The following ERAP1 variants were observed in gnomAD, a reference collection of about 807,000 sequenced individuals.
ERAP1 encodes endoplasmic reticulum aminopeptidase 1.
Under a neutral mutation model 103.7 loss-of-function variants are expected in ERAP1, and 86 were observed. The ratio of observed to expected loss-of-function variants is 0.83; its 90% CI spans 0.70 to 0.99. ERAP1 has a LOEUF of 0.99. Ranked by LOEUF, ERAP1 falls within the 50% of genes least tolerant of loss-of-function variation. The pLI is 0.00. For missense variants in ERAP1, 1,009 were observed against 1,128.4 expected (o/e 0.89, Z 1.52); for synonymous variants, 398 against 402.4 (o/e 0.99, Z 0.13).
chr5:96,825,769 G>A, the ERAP1 span, among the ~76,000 whole-genome samples: 1 of 151,956 alleles, frequency 6.6e-6, no homozygotes, highest in African/African-American at 2.4e-5. Context: ...TTCTTCTGTT[G>A]TAACACACAA....
chr5:96,926,623 A>G, the ERAP1 span, among the ~76,000 whole-genome samples: 1 of 152,226 alleles, frequency 6.6e-6, no homozygotes, highest in African/African-American at 2.4e-5. Context: ...CTTTCACCTA[A>G]CATAATTTTT....
At chr5:96,794,837 C>T (rs1238618893) in intron 5 of ERAP1, among the ~76,000 whole-genome samples, 1 of 152,188 alleles carries the variant, frequency 6.6e-6, no homozygotes, top group African/African-American at 2.4e-5. Context: ...CTATGAAGAT[C>T]TGCTTTCTTC....
the ERAP1 span, among the ~76,000 whole-genome samples, chr5:96,916,356 TTC>T: frequency 6.6e-6 from 1 of 152,144 alleles, no homozygotes; most frequent in Admixed American, 6.5e-5. Flanking sequence ...TTTGTATTAT[TTC>T]TTTCATATTG....
At chr5:96,800,805 A>G in intron 3 of ERAP1, 57 bp downstream of exon 3, 1 of 1,584,330 alleles carries the variant, frequency 6.3e-7, no homozygotes, top group Non-Finnish European at 8.7e-7. Context: ...GGGCTAGTGC[A>G]AGTCACAGAG....
At chr5:96,847,549 T>C in the ERAP1 span, among the ~76,000 whole-genome samples, 424 of 152,230 alleles carry the variant, frequency 2.8e-3, no homozygotes, top group African/African-American at 9.6e-3. Context: ...ACATAAAACA[T>C]TTCCCAAGAT....
the ERAP1 span, among the ~76,000 whole-genome samples, chr5:96,835,215 G>GGATAA: frequency 6.6e-6 from 1 of 152,184 alleles, no homozygotes; most frequent in East Asian, 1.9e-4. Context: ...AAGGCTAAAA[G>GGATAA]GATAATTGGA....
intron 18 of ERAP1, among the ~76,000 whole-genome samples, chr5:96,779,869 G>A (rs1774899824): frequency 6.6e-6 from 1 of 152,158 alleles, no homozygotes; most frequent in African/African-American, 2.4e-5. Context: ...GATAAATTCA[G>A]GGGACAATTG....
At chr5:96,826,809 C>G in the ERAP1 span, among the ~76,000 whole-genome samples, 2 of 152,254 alleles carry the variant, frequency 1.3e-5, no homozygotes, top group South Asian at 4.1e-4. Flanking sequence ...ACTGTGTCTC[C>G]TTAATTTTGT....
At chr5:96,921,248 T>C in the ERAP1 span, among the ~76,000 whole-genome samples, 1 of 152,392 alleles carries the variant, frequency 6.6e-6, no homozygotes, top group African/African-American at 2.4e-5. Context: ...CTTCACTTAG[T>C]TTCTGATCCA....
At position 96,803,548 on chromosome 5, in the gene ERAP1, G is replaced by T; in HGVS notation, c.379C>A (p.Arg127Ser). 4 of 1,612,462 alleles carry T rather than the reference G, an allele frequency of 2.5e-6. No homozygotes were observed. The highest frequency in any genetic ancestry group is 1.3e-5 in the African/African-American group (1 of 74,980). Residue 127 changes from arginine to serine, a missense_variant, in exon 2 of 19, where the codon CGT becomes AGT. Coordinates refer to ENST00000443439, the MANE Select transcript of ERAP1 (RefSeq NM_001040458.3). ...EEPLQVLEHP[R>S]QEQIALLAPE... is the part of the protein sequence containing the mutation. ...GCCAGCAGTGCAATTTGCTCCTGACGGGGGTGTTCCAGGACCTGCAGGGGT... is the reference window on the plus strand; with the variant it reads ...GCCAGCAGTGCAATTTGCTCCTGACTGGGGTGTTCCAGGACCTGCAGGGGT...
At chr5:96,815,410 T>TTTTG in the ERAP1 span, among the ~76,000 whole-genome samples, 7,614 of 116,298 alleles carry the variant, frequency 0.065, 379 homozygotes, top group Middle Eastern at 0.13. Context: ...TTGTTTTGTT[T>TTTTG]TTTATTTTTT....
At chr5:96,909,039 C>T in the ERAP1 span, 18 of 1,614,010 alleles carry the variant, frequency 1.1e-5, no homozygotes, top group African/African-American at 2.1e-4. Flanking sequence ...CCGCACTTCT[C>T]GAAGGTCTGA....
At chr5:96,920,664 C>T in the ERAP1 span, among the ~76,000 whole-genome samples, 2 of 152,112 alleles carry the variant, frequency 1.3e-5, no homozygotes, top group Non-Finnish European at 2.9e-5. Flanking sequence ...CTTTATTGAC[C>T]TTCTTTCATC....
the ERAP1 span, among the ~76,000 whole-genome samples, chr5:96,897,517 T>C: frequency 2.1e-5 from 3 of 145,444 alleles, 1 homozygote; most frequent in South Asian, 6.8e-4. Flanking sequence ...AATGATAATG[T>C]GCTTAAGAAC....
chr5:96,913,543 A>G, the ERAP1 span: 1 of 1,466,082 alleles, frequency 6.8e-7, no homozygotes, highest in South Asian at 1.2e-5. Context: ...TGTTTCTCAA[A>G]GCATATAAAT....
chr5:96,784,577 A>C lies in ERAP1; in HGVS notation c.1944-497T>G, dbSNP rs996815821. ...ATCCGGCATGTTTACACTAGGGAGG[A>C]AGTTTCTCAAACAGTAACGTCTAGG... On this transcript the variant is annotated intron_variant, in intron 13 of 18. Coordinates refer to ENST00000443439, the MANE Select transcript of ERAP1 (RefSeq NM_001040458.3). Among the ~76,000 whole-genome samples the C allele has an allele frequency of 5.5e-5, 8 of 144,960 alleles. No individual in the cohort carries two copies. In the East Asian group the frequency reaches 1.6e-3, roughly 29 times the overall value.
chr5:96,790,986 C>T (rs1322846885), intron 8 of ERAP1, among the ~76,000 whole-genome samples: 1 of 152,196 alleles, frequency 6.6e-6, no homozygotes, highest in East Asian at 1.9e-4. Context: ...TGAGCTACTA[C>T]CTGGCTCTCC....
chr5:96,920,095 G>A, the ERAP1 span, among the ~76,000 whole-genome samples: 2 of 152,138 alleles, frequency 1.3e-5, no homozygotes, highest in Admixed American at 6.6e-5. Flanking sequence ...GGGATTACTC[G>A]AGCCCAGGAG....
At chr5:96,898,822 C>T in the ERAP1 span, among the ~76,000 whole-genome samples, 100 of 152,194 alleles carry the variant, frequency 6.6e-4, no homozygotes, top group African/African-American at 2.3e-3. Context: ...GTCAGTGGTC[C>T]AGACACACTT....
Sources: allele counts gnomAD v4.1 joint callset (sites outside exome capture counted in the v4.1 genomes callset), GRCh38; gene constraint gnomAD v4.1.1; transcripts MANE v1.5; gene names NCBI Gene and HGNC (gene_info 2026-07-23, HGNC 2026-07-21).